RBFOX1: variants seen among roughly 807,000 people sequenced by gnomAD.
RBFOX1 encodes the protein RNA binding protein fox-1 homolog 1.
RBFOX1 carries 8 observed loss-of-function variants against 57.7 expected under a neutral mutation model. The observed-to-expected ratio is 0.14, with a 90% CI of 0.08 to 0.25. The LOEUF (loss-of-function observed/expected upper bound fraction) is 0.25, where lower values mean the gene tolerates loss of function less well. Among genes scored for constraint, RBFOX1 ranks in the 10% least tolerant of loss-of-function variants. The pLI is 1.00. For synonymous variants in RBFOX1, 326 were observed against 222.4 expected (o/e 1.47, Z -4.15); for missense variants, 611 against 548.5 (o/e 1.11, Z -1.14).
At chr16:7,697,849 T>C (rs1422310833) in intron 14 of RBFOX1, among the ~76,000 whole-genome samples, 7 of 152,200 alleles carry the variant, frequency 4.6e-5, no homozygotes. Flanking sequence ...TTGTTACTAT[T>C]TGGAAGAGAC....
chr16:5,831,570 A>G (rs776225143), intron 3 of RBFOX1, among the ~76,000 whole-genome samples: 1 of 151,130 alleles, frequency 6.6e-6, no homozygotes, highest in African/African-American at 2.4e-5. Context: ...GCTCGCTGCA[A>G]CCTCCACCTA....
chr16:7,290,859 G>T (rs1264110631), intron 4 of RBFOX1, among the ~76,000 whole-genome samples: 1 of 152,108 alleles, frequency 6.6e-6, no homozygotes, highest in Non-Finnish European at 1.5e-5. Flanking sequence ...CATGCTTGTG[G>T]GTAATGTAGT....
chr16:5,261,763 G>C (rs1488008537), intron 1 of RBFOX1, among the ~76,000 whole-genome samples: 3 of 152,090 alleles, frequency 2.0e-5, no homozygotes, highest in African/African-American at 7.2e-5. Context: ...TGTTAGCCAG[G>C]ATGGTCTCGA....
rs1386859949 is a variant in RBFOX1 at position 7,710,605 on chromosome 16, C to T, written c.1072-18C>T. On this transcript the variant is annotated intron_variant, in intron 15 of 15. Transcript: ENST00000550418. ...AGGAAAATGTAAAAAACACACCCCTCAAATTGCTTTGTTTCAGAATGCTTT... is the reference window on the plus strand; with the variant it reads ...AGGAAAATGTAAAAAACACACCCCTTAAATTGCTTTGTTTCAGAATGCTTT... 2 of 1,610,354 alleles carry T rather than the reference C, an allele frequency of 1.2e-6. No homozygotes were observed.
chr16:7,050,961 T>G (rs2049864439), intron 3 of RBFOX1, among the ~76,000 whole-genome samples: 1 of 152,160 alleles, frequency 6.6e-6, no homozygotes, highest in South Asian at 2.1e-4. Context: ...AAGTAAATAT[T>G]CTTCCTTTTT....
chr16:6,676,906 C>A (rs1017724986), intron 3 of RBFOX1, among the ~76,000 whole-genome samples: 1 of 152,040 alleles, frequency 6.6e-6, no homozygotes, highest in Non-Finnish European at 1.5e-5. Flanking sequence ...GAACCCTTGA[C>A]CTCAGGTGAT....
At chr16:7,634,025 C>G (rs2061381932) in intron 11 of RBFOX1, among the ~76,000 whole-genome samples, 1 of 152,190 alleles carries the variant, frequency 6.6e-6, no homozygotes, top group Non-Finnish European at 1.5e-5. Flanking sequence ...GAGTTATATT[C>G]ATGGTCATCC....
chr16:7,452,722 C>T (rs992214921), intron 4 of RBFOX1, among the ~76,000 whole-genome samples: 1 of 152,138 alleles, frequency 6.6e-6, no homozygotes, highest in South Asian at 2.1e-4. Flanking sequence ...ATTCCCTATT[C>T]TTAGGATAAA....
At chr16:5,531,842 C>A (rs964607391) in intron 2 of RBFOX1, among the ~76,000 whole-genome samples, 2 of 150,916 alleles carry the variant, frequency 1.3e-5, no homozygotes, top group Non-Finnish European at 2.9e-5. Context: ...CACTCTGTCA[C>A]CCAGGCTGAA....
chr16:7,052,550 A>G (rs2346242), intron 4 of RBFOX1, among the ~76,000 whole-genome samples: 80,583 of 151,972 alleles, frequency 0.53, 23,418 homozygotes, highest in South Asian at 0.76. Context: ...TGTGTTATCT[A>G]TAGACCTCTT....
At chr16:7,514,818 C>T (rs1016174009) in intron 4 of RBFOX1, among the ~76,000 whole-genome samples, 1 of 152,140 alleles carries the variant, frequency 6.6e-6, no homozygotes, top group African/African-American at 2.4e-5. Context: ...AGCCTTAGCT[C>T]TTTTGCAAGA....
At chr16:6,280,255 C>G (rs1476393384) in intron 1 of RBFOX1, among the ~76,000 whole-genome samples, 1 of 152,066 alleles carries the variant, frequency 6.6e-6, no homozygotes, top group Non-Finnish European at 1.5e-5. Flanking sequence ...CTGCATCGTC[C>G]CAGAATCCAA....
intron 3 of RBFOX1, chr16:5,838,032 T>C (rs1172953521): frequency 6.6e-6 from 1 of 152,384 alleles, no homozygotes; most frequent in Non-Finnish European, 1.5e-5. Flanking sequence ...GTGACATTGC[T>C]GCATAATTTT....
At chr16:7,112,823 T>G (rs1245666185) in intron 4 of RBFOX1, among the ~76,000 whole-genome samples, 1 of 152,030 alleles carries the variant, frequency 6.6e-6, no homozygotes, top group East Asian at 1.9e-4. Context: ...AGGCCTCTGT[T>G]TTATGATTTG....
chr16:6,236,466 A>T (rs528678853), intron 1 of RBFOX1, among the ~76,000 whole-genome samples: 2 of 150,298 alleles, frequency 1.3e-5, no homozygotes, highest in South Asian at 4.2e-4. Context: ...GCAGAGTCTC[A>T]CTCTGTCCCT....
intron 5 of RBFOX1, among the ~76,000 whole-genome samples, chr16:7,548,777 T>A (rs1216936063): frequency 2.0e-5 from 3 of 152,180 alleles, no homozygotes; most frequent in Non-Finnish European, 4.4e-5. Flanking sequence ...TTTGCCTCTG[T>A]CTGGAGTTGT....
At chr16:7,046,603 C>G (rs1186371633) in intron 3 of RBFOX1, among the ~76,000 whole-genome samples, 4 of 85,012 alleles carry the variant, frequency 4.7e-5, no homozygotes, top group Non-Finnish European at 8.7e-5. Flanking sequence ...TGTGTTTTAT[C>G]TTTTTTTTTT....
intron 1 of RBFOX1, among the ~76,000 whole-genome samples, chr16:6,199,287 T>A (rs918063994): frequency 3.3e-5 from 5 of 152,212 alleles, no homozygotes; most frequent in African/African-American, 1.2e-4. Flanking sequence ...CATAATTGAC[T>A]ACAGTATTTT....
intron 4 of RBFOX1, chr16:7,332,902 T>C: frequency 6.3e-7 from 1 of 1,583,448 alleles, no homozygotes; most frequent in South Asian, 1.2e-5. Flanking sequence ...GGGATTTGGC[T>C]CCCAGCTTTG....
Sources: allele counts gnomAD v4.1 joint callset (sites outside exome capture counted in the v4.1 genomes callset), GRCh38; gene constraint gnomAD v4.1.1; transcripts MANE v1.5; gene names NCBI Gene and HGNC (gene_info 2026-07-23, HGNC 2026-07-21).